The following GPC6 variants were observed in gnomAD, a reference collection of about 807,000 sequenced individuals.
GPC6 encodes the protein glypican 6, also known as glypican-6.
GPC6 carries 14 observed loss-of-function variants against 55.2 expected under a neutral mutation model. The observed-to-expected ratio is 0.25, with a 90% CI of 0.17 to 0.40. The LOEUF is 0.40. Ranked by LOEUF, GPC6 falls within the 10% of genes least tolerant of loss-of-function variation. The pLI is 1.00. For synonymous variants in GPC6, 278 were observed against 259.6 expected (o/e 1.07, Z -0.68); for missense variants, 641 against 708.5 (o/e 0.90, Z 1.08).
At chr13:93,717,148 A>G (rs563514744) in intron 2 of GPC6, among the ~76,000 whole-genome samples, 6 of 151,564 alleles carry the variant, frequency 4.0e-5, no homozygotes, top group Admixed American at 1.3e-4. Flanking sequence ...GGGTGCGCAC[A>G]CACACACACA....
chr13:94,217,782 G>T (rs1890266718), intron 4 of GPC6, among the ~76,000 whole-genome samples: 1 of 152,198 alleles, frequency 6.6e-6, no homozygotes, highest in East Asian at 1.9e-4. Flanking sequence ...GGAGACACCA[G>T]TTCTGATCTT....
Position 94,282,251 on chromosome 13 carries a change from G to A in GPC6, c.878-4098G>A, listed in dbSNP as rs1035979690. 2.6e-5 allele frequency among the ~76,000 whole-genome samples: 4 copies of A among 152,124 alleles called. 1 individual carries two copies. The East Asian group carries it at 7.7e-4, about 29-fold the overall frequency. ...TGACTCACAGTTCTGCATGGCTGGG[G>A]AAATGCAGAATCATTTCCCCAGGAA... On this transcript the variant is annotated intron_variant, in intron 4 of 8. Coordinates refer to ENST00000377047, the MANE Select transcript of GPC6 (RefSeq NM_005708.5).
chr13:94,377,236 A>G (rs1461165437), intron 6 of GPC6, among the ~76,000 whole-genome samples: 6 of 150,580 alleles, frequency 4.0e-5, no homozygotes, highest in Admixed American at 3.3e-4. Context: ...AGCAAAAGAA[A>G]CTACCATCAG....
In GPC6 at chr13:94,080,109, G is replaced by C. The variant is rs1164391777; in HGVS notation, c.877+52215G>C. On this transcript the variant is annotated intron_variant, in intron 4 of 8. Transcript: ENST00000377047. ...AAGAGATTTCATTTCTCATAGAAAAGAAAACCAGAGACCAGTCATTTGAGA... is the reference window on the plus strand; with the variant it reads ...AAGAGATTTCATTTCTCATAGAAAACAAAACCAGAGACCAGTCATTTGAGA... Among the ~76,000 whole-genome samples the C allele has an allele frequency of 3.3e-5, 5 of 152,102 alleles. 1 individual carries two copies. The South Asian group carries it at 1.0e-3, about 32-fold the overall frequency.
intron 3 of GPC6, among the ~76,000 whole-genome samples, chr13:93,982,568 A>G (rs928981831): frequency 5.9e-5 from 9 of 152,192 alleles, no homozygotes; most frequent in African/African-American, 2.2e-4. Flanking sequence ...TCAAGAATCA[A>G]TCTTGTTCGA....
At chr13:93,544,926 T>C (rs180720237) in intron 1 of GPC6, among the ~76,000 whole-genome samples, 2 of 152,300 alleles carry the variant, frequency 1.3e-5, no homozygotes, top group East Asian at 3.9e-4. Flanking sequence ...AAAGCATACA[T>C]AGCTGTATTA....
intron 1 of GPC6, among the ~76,000 whole-genome samples, chr13:93,338,045 G>A (rs1880108724): frequency 6.6e-6 from 1 of 152,172 alleles, no homozygotes; most frequent in South Asian, 2.1e-4. Context: ...TTCATTTTTC[G>A]CTAAATTAAA....
intron 6 of GPC6, among the ~76,000 whole-genome samples, chr13:94,306,620 A>G (rs1161933940): frequency 6.6e-6 from 1 of 152,220 alleles, no homozygotes; most frequent in Non-Finnish European, 1.5e-5. Context: ...GTCTTTAAAA[A>G]GTTGGAATCC....
At chr13:94,291,759 G>A (rs1051070968) in intron 5 of GPC6, among the ~76,000 whole-genome samples, 1 of 143,720 alleles carries the variant, frequency 7.0e-6, no homozygotes, top group African/African-American at 2.6e-5. Context: ...CATCACATTT[G>A]AAGTTCTGGA....
At chr13:94,066,520 A>C (rs936441601) in intron 4 of GPC6, among the ~76,000 whole-genome samples, 1 of 152,204 alleles carries the variant, frequency 6.6e-6, no homozygotes, top group Non-Finnish European at 1.5e-5. Flanking sequence ...TTTGTACATC[A>C]ATGTACTTAC....
At chr13:93,993,440 T>A (rs1210324731) in intron 3 of GPC6, among the ~76,000 whole-genome samples, 7 of 151,844 alleles carry the variant, frequency 4.6e-5, no homozygotes, top group African/African-American at 1.7e-4. Context: ...ATTACAGGCA[T>A]GCACCACCAC....
At chr13:93,716,997 G>A (rs4262826) in intron 2 of GPC6, among the ~76,000 whole-genome samples, 44,676 of 151,444 alleles carry the variant, frequency 0.29, 6,931 homozygotes, top group East Asian at 0.47. Flanking sequence ...CAGGCTAGGA[G>A]CAACAGGCTA....
At chr13:93,930,170 G>A (rs1041517363) in intron 3 of GPC6, among the ~76,000 whole-genome samples, 4 of 152,030 alleles carry the variant, frequency 2.6e-5, no homozygotes, top group African/African-American at 9.7e-5. Flanking sequence ...AAGCTGCTGG[G>A]ATCATTCTGT....
At chr13:93,481,233 TC>T (rs1460899982) in intron 1 of GPC6, among the ~76,000 whole-genome samples, 5 of 152,176 alleles carry the variant, frequency 3.3e-5, no homozygotes, top group African/African-American at 1.2e-4. Flanking sequence ...TGTTTGTATA[TC>T]TCTTTTGAAA....
chr13:93,869,269 C>A (rs1420095860), intron 3 of GPC6, among the ~76,000 whole-genome samples: 1 of 151,692 alleles, frequency 6.6e-6, no homozygotes, highest in Admixed American at 6.6e-5. Flanking sequence ...ACATTGATGA[C>A]CTTTGAGAAA....
At chr13:93,886,749 A>ATTTTTTTTTTTTTTT in intron 3 of GPC6, among the ~76,000 whole-genome samples, 1 of 135,340 alleles carries the variant, frequency 7.4e-6, no homozygotes, top group Non-Finnish European at 1.6e-5. Context: ...AGCATCTGTC[A>ATTTTTTTTTTTTTTT]TTTTTTTTTT....
chr13:93,603,953 C>A (rs1328222350), intron 2 of GPC6, among the ~76,000 whole-genome samples: 2 of 152,080 alleles, frequency 1.3e-5, no homozygotes, highest in Non-Finnish European at 2.9e-5. Context: ...TGCAAAAAAT[C>A]TGGAATAGAA....
intron 2 of GPC6, among the ~76,000 whole-genome samples, chr13:93,816,987 T>C (rs1886875971): frequency 1.3e-5 from 2 of 152,184 alleles, no homozygotes; most frequent in South Asian, 2.1e-4. Flanking sequence ...CTGTACCTAA[T>C]TGTGCCTACT....
chr13:93,542,003 G>T (rs1032022099), intron 1 of GPC6, among the ~76,000 whole-genome samples: 1 of 151,994 alleles, frequency 6.6e-6, no homozygotes, highest in Non-Finnish European at 1.5e-5. Context: ...AGCTTCTTTT[G>T]CTGTGCAGAA....
Sources: gnomAD v4.1 joint callset for allele counts (sites outside exome capture counted in the v4.1 genomes callset) on GRCh38, gnomAD v4.1.1 for gene constraint, MANE v1.5 for transcripts, NCBI Gene and HGNC (gene_info 2026-07-23, HGNC 2026-07-21) for gene names.